KLHDC4: variants seen among roughly 807,000 people sequenced by gnomAD.
KLHDC4 encodes kelch domain containing 4, also known as kelch domain-containing protein 4.
A neutral mutation model predicts 62.4 loss-of-function variants in KLHDC4; 90 were observed. The ratio of observed to expected loss-of-function variants is 1.44; its 90% confidence interval spans 1.22 to 1.72. KLHDC4 has a LOEUF of 1.72. Ranked by LOEUF, KLHDC4 falls within the 40% of genes most tolerant of loss-of-function variation. The pLI, the probability that KLHDC4 is intolerant of heterozygous loss-of-function variation, is 0.00. For synonymous variants in KLHDC4, 386 were observed against 284.4 expected (o/e 1.36, Z -3.59); for missense variants, 1,025 against 699.7 (o/e 1.47, Z -5.25).
chr16:87,718,377 C>G (rs1303104450), intron 7 of KLHDC4, among the ~76,000 whole-genome samples: 18 of 117,592 alleles, frequency 1.5e-4, no homozygotes, highest in African/African-American at 4.5e-4. Flanking sequence ...CACAGTCTCC[C>G]TCTCCCTCTC....
upstream of KLHDC4, among the ~76,000 whole-genome samples, chr16:87,702,750 G>C (rs996711823): frequency 6.6e-6 from 1 of 152,238 alleles, no homozygotes; most frequent in Non-Finnish European, 1.5e-5. Context: ...ACTCGGACAG[G>C]AAACAGTGTT....
chr16:87,755,216 G>T lies in KLHDC4; in HGVS notation c.347C>A (p.Pro116His), dbSNP rs1352929738. ...TWTKVDIPSP[P>H]PRRCAHQAVV... Reference sequence around the variant, plus strand: ...TACCTGGTGAGCACAGCGCCTCGGAGGTGGACTGGGGATGTCAACTTTGGT... The same window carrying T: ...TACCTGGTGAGCACAGCGCCTCGGATGTGGACTGGGGATGTCAACTTTGGT... The change falls in exon 4 of 12, where the codon CCT becomes CAT. Residue 116 changes from proline to histidine, a missense_variant. Pro to His is a moderately conservative substitution (Grantham distance 77). Coordinates refer to ENST00000270583, the MANE Select transcript of KLHDC4 (RefSeq NM_017566.4). 4 of 1,610,518 alleles carry T rather than the reference G, an allele frequency of 2.5e-6. No individual in the cohort carries two copies. Among genetic ancestry groups the T allele is most frequent in the African/African-American group, 1.3e-5 (1 of 74,856 alleles).
downstream of KLHDC4, among the ~76,000 whole-genome samples, chr16:87,705,520 T>C (rs2034560642): frequency 6.6e-6 from 1 of 152,262 alleles, no homozygotes; most frequent in African/African-American, 2.4e-5. Flanking sequence ...GCTTTCTGTG[T>C]AAGAAAGTGT....
intron 10 of KLHDC4, among the ~76,000 whole-genome samples, chr16:87,708,715 C>T (rs939453639): frequency 1.3e-5 from 2 of 152,238 alleles, no homozygotes; most frequent in African/African-American, 2.4e-5. Flanking sequence ...GGCTGGCCAA[C>T]GGGGCCTCCT....
At chr16:87,702,827 C>T (rs115113434), downstream of KLHDC4, among the ~76,000 whole-genome samples, 18 of 152,322 alleles carry the variant, frequency 1.2e-4, no homozygotes, top group Admixed American at 2.0e-4. Context: ...TGTACAATCA[C>T]GCCGTGCAAT....
intron 4 of KLHDC4, among the ~76,000 whole-genome samples, 156 bp from the exon 5 acceptor site, chr16:87,748,965 G>A (rs753046425): frequency 2.1e-4 from 31 of 147,068 alleles, no homozygotes; most frequent in Non-Finnish European, 4.2e-4. Context: ...GCCTCTAAGG[G>A]GAGGATTCCA....
intron 6 of KLHDC4, among the ~76,000 whole-genome samples, chr16:87,728,784 GC>G (rs1396330421): frequency 6.6e-6 from 1 of 152,056 alleles, no homozygotes; most frequent in Non-Finnish European, 1.5e-5. Flanking sequence ...TTCGAGACCA[GC>G]CTGGCGAACA....
intron 6 of KLHDC4, among the ~76,000 whole-genome samples, chr16:87,730,338 G>A (rs1428638195): frequency 6.6e-6 from 1 of 152,224 alleles, no homozygotes; most frequent in Non-Finnish European, 1.5e-5. Flanking sequence ...TTCAACAATG[G>A]TTAAGAATTT....
chr16:87,732,304 C>T (rs1475541664), intron 5 of KLHDC4, among the ~76,000 whole-genome samples: 1 of 152,030 alleles, frequency 6.6e-6, no homozygotes, highest in Non-Finnish European at 1.5e-5. Context: ...TCATATTGGT[C>T]AGGCTGGTCT....
intron 5 of KLHDC4, among the ~76,000 whole-genome samples, chr16:87,739,159 TCATCCATCCA>T (rs2041851721): frequency 8.5e-6 from 1 of 117,090 alleles, no homozygotes. Context: ...CACCAGCACC[TCATCCATCCA>T]CACACCAGCA....
rs1363058459 is a variant in KLHDC4 at position 87,756,101 on chromosome 16, G to A, written c.270+298C>T. ...TGAGTGTGAAACCTGGAAACCCGCT[G>A]GGAGGAAGAACAGCACAGACAACCA... On this transcript the variant is annotated intron_variant, in intron 3 of 11. Coordinates refer to ENST00000270583, the MANE Select transcript of KLHDC4 (RefSeq NM_017566.4). 5 of 239,500 alleles carry A rather than the reference G, an allele frequency of 2.1e-5. No individual in the cohort carries two copies. In the East Asian group the frequency reaches 3.9e-4, roughly 19 times the overall value. The allele number at this position is 239,500 out of a possible 1,614,324, so 14.8% of individuals were successfully genotyped here.
intron 7 of KLHDC4, among the ~76,000 whole-genome samples, chr16:87,725,528 C>T (rs1044953069): frequency 2.0e-5 from 3 of 152,182 alleles, no homozygotes; most frequent in Admixed American, 6.5e-5. Context: ...CCGTAAAATT[C>T]TTTCAAAAGT....
intron 4 of KLHDC4, among the ~76,000 whole-genome samples, chr16:87,751,271 T>G (rs2043882299): frequency 6.6e-6 from 1 of 152,092 alleles, no homozygotes; most frequent in Non-Finnish European, 1.5e-5. Flanking sequence ...GTCAGGAGTT[T>G]GAGACCAGCC....
At chr16:87,724,382 A>G (rs1432395727) in intron 7 of KLHDC4, among the ~76,000 whole-genome samples, 1 of 152,238 alleles carries the variant, frequency 6.6e-6, no homozygotes, top group Non-Finnish European at 1.5e-5. Flanking sequence ...AGATTTTATC[A>G]AAAACTCAAA....
chr16:87,733,627 C>T (rs1412682360), intron 5 of KLHDC4, among the ~76,000 whole-genome samples: 2 of 143,494 alleles, frequency 1.4e-5, no homozygotes, highest in Admixed American at 6.9e-5. Flanking sequence ...GGGATCCTCA[C>T]TGATGACCTG....
At chr16:87,735,172 C>T (rs550292517) in intron 5 of KLHDC4, among the ~76,000 whole-genome samples, 10 of 151,936 alleles carry the variant, frequency 6.6e-5, no homozygotes, top group Non-Finnish European at 1.3e-4. Context: ...TGGTGGCGGG[C>T]GCCTGTAGTC....
At chr16:87,755,419 C>T in intron 3 of KLHDC4, 127 bp from the exon 4 acceptor site, 2 of 577,360 alleles carry the variant, frequency 3.5e-6, no homozygotes. Flanking sequence ...CATACCAGCA[C>T]AGGGAGGCCA....
intron 1 of KLHDC4, among the ~76,000 whole-genome samples, chr16:87,764,650 A>C (rs1328327668): frequency 2.0e-5 from 2 of 101,572 alleles, no homozygotes; most frequent in East Asian, 4.3e-4. Flanking sequence ...CTCCTTCAAA[A>C]AAAAAAAAAA....
intron 9 of KLHDC4, chr16:87,710,216 G>C (rs2035520977): frequency 6.4e-6 from 1 of 156,560 alleles, no homozygotes; most frequent in African/African-American, 2.4e-5. Flanking sequence ...CTGCAGGACA[G>C]CTGTCCATCC....
Sources: allele counts gnomAD v4.1 joint callset (sites outside exome capture counted in the v4.1 genomes callset), GRCh38; gene constraint gnomAD v4.1.1; transcripts MANE v1.5; gene names NCBI Gene and HGNC (gene_info 2026-07-23, HGNC 2026-07-21).